ALKBH3: variants seen among roughly 807,000 people sequenced by gnomAD.
ALKBH3 encodes the protein alkB homolog 3, alpha-ketoglutarate dependent dioxygenase.
In ALKBH3, 51 loss-of-function variants were observed where a neutral mutation model predicts 43.9. The observed-to-expected ratio is 1.16, with a 90% CI of 0.93 to 1.47. ALKBH3 has a LOEUF of 1.47. ALKBH3 is among the 40% of genes most tolerant of loss of function. The pLI, the probability that ALKBH3 is intolerant of heterozygous loss-of-function variation, is 0.00. For synonymous variants in ALKBH3, 102 were observed against 115.2 expected (o/e 0.89, Z 0.73); for missense variants, 361 against 351.9 (o/e 1.03, Z -0.21).
intron 7 of ALKBH3, chr11:43,899,562 G>T: frequency 1.5e-6 from 1 of 653,554 alleles, no homozygotes; most frequent in Non-Finnish European, 2.9e-6. Flanking sequence ...TTTCCAGCTA[G>T]TGCCGCACCA....
intron 8 of ALKBH3, among the ~76,000 whole-genome samples, chr11:43,914,938 G>A (rs528270916): frequency 1.3e-5 from 2 of 152,236 alleles, no homozygotes; most frequent in East Asian, 3.9e-4. Context: ...GGGTGTGGTG[G>A]CTCACACCTG....
chr11:43,882,322 G>A (rs1951717533), intron 1 of ALKBH3, among the ~76,000 whole-genome samples: 2 of 152,126 alleles, frequency 1.3e-5, no homozygotes, highest in South Asian at 4.1e-4. Flanking sequence ...TTTATAATAG[G>A]TCCTAATTTT....
At chr11:43,882,815 G>T (rs1026973087) in intron 2 of ALKBH3, 84 bp downstream of exon 2, 2 of 1,372,680 alleles carry the variant, frequency 1.5e-6, no homozygotes, top group Non-Finnish European at 2.0e-6. Context: ...GTTTATAATG[G>T]ACTTCCATTT....
At chr11:43,898,448 C>T in intron 7 of ALKBH3, 1 of 799,676 alleles carries the variant, frequency 1.3e-6, no homozygotes, top group South Asian at 1.4e-5. Flanking sequence ...GATGGGTGGC[C>T]CCTCTGTATG....
intron 7 of ALKBH3, among the ~76,000 whole-genome samples, chr11:43,894,065 C>G (rs956925578): frequency 6.6e-6 from 1 of 152,148 alleles, no homozygotes; most frequent in African/African-American, 2.4e-5. Flanking sequence ...GTTGGGAGTA[C>G]TTGTTTAGTT....
chr11:43,891,969 C>T lies in ALKBH3; in HGVS notation c.371-72C>T, dbSNP rs571016193. The T allele has an allele frequency of 4.4e-5, 53 of 1,196,910 alleles. No homozygotes were observed. The South Asian group carries it at 6.5e-4, about 15-fold the overall frequency. 74.1% of individuals were successfully genotyped at this position (1,196,910 alleles called of 1,614,324 possible). ...ATTTCTCATAGCACATTGCAAGGCA[C>T]AAAGTTGGCACTCAGTAGTAACACC... On this transcript the variant is annotated intron_variant, in intron 6 of 9. Transcript: ENST00000302708.
intron 8 of ALKBH3, among the ~76,000 whole-genome samples, chr11:43,906,614 C>T (rs1441736263): frequency 2.0e-5 from 3 of 152,048 alleles, no homozygotes; most frequent in African/African-American, 4.8e-5. Flanking sequence ...TTTGGGAGGC[C>T]GAGATGGGAG....
intron 3 of ALKBH3, 48 bp from the exon 4 acceptor site, chr11:43,883,935 T>A (rs1186646236): frequency 6.2e-7 from 1 of 1,608,186 alleles, no homozygotes; most frequent in Admixed American, 1.7e-5. Flanking sequence ...TCAGTATCCT[T>A]GAGGATTAAG....
chr11:43,907,224 T>TGTGTGC (rs1393724944), intron 8 of ALKBH3, among the ~76,000 whole-genome samples: 2 of 152,050 alleles, frequency 1.3e-5, no homozygotes, highest in East Asian at 3.9e-4. Flanking sequence ...TGTGTGTGTG[T>TGTGTGC]GTGTGCGTGT....
In ALKBH3 at chr11:43,882,176, G is replaced by A. The variant is rs189149478; in HGVS notation, c.-70-407G>A. ...GTATTTTGAACAAACTTCCAGGGAA[G>A]TTTGATGCAGCCAGTGATAATGGAA... On this transcript the variant is annotated intron_variant, in intron 1 of 9. Transcript: ENST00000302708. Among the ~76,000 whole-genome samples the A allele has an allele frequency of 2.5e-3, 387 of 152,290 alleles. 2 individuals are homozygous for A. Among genetic ancestry groups the A allele is most frequent in the Non-Finnish European group, 1.6e-3 (110 of 68,020 alleles).
intron 6 of ALKBH3, among the ~76,000 whole-genome samples, chr11:43,891,451 A>AT: frequency 6.6e-6 from 1 of 152,090 alleles, no homozygotes; most frequent in Non-Finnish European, 1.5e-5. Context: ...TATTATTATT[A>AT]TTATTGTTCT....
At chr11:43,896,421 G>T (rs1209929827) in intron 7 of ALKBH3, among the ~76,000 whole-genome samples, 1 of 152,148 alleles carries the variant, frequency 6.6e-6, no homozygotes, top group Non-Finnish European at 1.5e-5. Flanking sequence ...GAAGAACTTG[G>T]AGTCCGATGT....
intron 4 of ALKBH3, 116 bp from the exon 5 acceptor site, chr11:43,886,490 T>C: frequency 2.2e-6 from 2 of 924,362 alleles, no homozygotes; most frequent in Non-Finnish European, 3.4e-6. Flanking sequence ...GCCTCTCTCA[T>C]AACTAAATGA....
chr11:43,887,717 A>G (rs1465709601), intron 5 of ALKBH3, among the ~76,000 whole-genome samples: 5 of 152,210 alleles, frequency 3.3e-5, no homozygotes, highest in Admixed American at 2.0e-4. Flanking sequence ...TACTTCATGT[A>G]TATTACATAT....
intron 5 of ALKBH3, 66 bp from the exon 6 acceptor site, chr11:43,889,659 C>A: frequency 7.1e-7 from 1 of 1,402,910 alleles, no homozygotes; most frequent in Non-Finnish European, 1.0e-6. Flanking sequence ...ACTGTTTCCA[C>A]TAACATTTAG....
chr11:43,897,966 C>G, intron 7 of ALKBH3: 1 of 786,410 alleles, frequency 1.3e-6, no homozygotes, highest in Non-Finnish European at 2.4e-6. Context: ...CCTTTGTGCC[C>G]CATTGGACTC....
intron 8 of ALKBH3, among the ~76,000 whole-genome samples, chr11:43,911,427 C>A (rs891847474): frequency 3.9e-5 from 6 of 152,130 alleles, no homozygotes; most frequent in East Asian, 1.9e-4. Context: ...TGGAGGAGTT[C>A]CTTCTTCTAC....
intron 7 of ALKBH3, 77 bp from the exon 8 acceptor site, chr11:43,901,438 CT>C (rs1565126715): frequency 1.3e-6 from 2 of 1,560,914 alleles, no homozygotes; most frequent in Non-Finnish European, 1.7e-6. Flanking sequence ...TTTGCCCTTT[CT>C]TTTCTGTTTT....
At chr11:43,897,561 T>C (rs772934903) in intron 7 of ALKBH3, 1 of 784,974 alleles carries the variant, frequency 1.3e-6, no homozygotes, top group African/African-American at 1.7e-5. Context: ...GATTCCGACA[T>C]TCATGGGCAG....
Sources: allele counts gnomAD v4.1 joint callset (sites outside exome capture counted in the v4.1 genomes callset), GRCh38; gene constraint gnomAD v4.1.1; transcripts MANE v1.5; gene names NCBI Gene and HGNC (gene_info 2026-07-23, HGNC 2026-07-21).